The following PCM1 variants were observed in gnomAD, a reference collection of about 807,000 sequenced individuals.
PCM1 encodes the protein pericentriolar material 1.
A neutral mutation model predicts 241.9 loss-of-function variants in PCM1; 157 were observed. The ratio of observed to expected loss-of-function variants is 0.65; its 90% confidence interval spans 0.57 to 0.74. PCM1 has a LOEUF of 0.74. Ranked by LOEUF, PCM1 falls within the 30% of genes least tolerant of loss-of-function variation. The pLI is 0.00. For missense variants in PCM1, 3,478 were observed against 2,360.1 expected, an observed-to-expected ratio of 1.47 and a Z score of -9.81; for synonymous variants, 1,085 against 784.9, an observed-to-expected ratio of 1.38 and a Z score of -6.39.
rs886191919 is a variant in PCM1, at chr8:17,939,842, A to G, written c.764A>G (p.Lys255Arg). The G allele has an allele frequency of 6.7e-7, 1 of 1,500,426 alleles. No homozygotes were observed. Among genetic ancestry groups the G allele is most frequent in the Non-Finnish European group, 9.0e-7 (1 of 1,110,936 alleles). 92.9% of individuals were successfully genotyped at this position (1,500,426 alleles called of 1,614,324 possible). A position where few individuals can be genotyped will look rare whatever the true frequency, so the allele number is the denominator to read the frequency against. ...HLKEQEKSYM[K>R]FLKKILARDP... ...AAAGAACAAGAGAAGTCATATATGA[A>G]ATTTCTTAAAAAAATCCTTGTAAGT... The change falls in exon 6 of 39, where the codon AAA becomes AGA. Residue 255 changes from lysine (K) to arginine (R), a missense_variant. Lys to Arg is a conservative substitution (Grantham distance 26, BLOSUM62 2). Transcript: ENST00000325083.
intron 6 of PCM1, among the ~76,000 whole-genome samples, chr8:17,942,716 C>A (rs1348789107): frequency 6.6e-6 from 1 of 151,906 alleles, no homozygotes; most frequent in Non-Finnish European, 1.5e-5. Flanking sequence ...TTTGAATAGG[C>A]CGGGCACGGT....
Position 17,950,689 on chromosome 8 carries a change from A to C in PCM1, c.1036A>C (p.Ile346Leu), listed in dbSNP as rs767479338. The C allele has an allele frequency of 6.2e-7, 1 of 1,600,992 alleles. No individual in the cohort carries two copies. The highest frequency in any genetic ancestry group is 1.1e-5 in the South Asian group (1 of 89,118). Residue 346 changes from isoleucine (I) to leucine (L), a missense_variant, in exon 8 of 39, where the codon ATT (isoleucine) becomes CTT (leucine). By Grantham distance (5) the Ile-to-Leu change is conservative. Transcript: ENST00000325083. ...ACTAAATGAAGAATTGAATGACTTA[A>C]TTCAGCGTTTTCATAATCAGCTTCG... ...SELNEELNDLIQRFHNQLRDS... is the reference protein window; with the variant it reads ...SELNEELNDLLQRFHNQLRDS...
chr8:17,938,440 C>A (rs1041582403), intron 4 of PCM1, among the ~76,000 whole-genome samples: 2 of 152,138 alleles, frequency 1.3e-5, no homozygotes, highest in Non-Finnish European at 2.9e-5. Flanking sequence ...ACTCCTAACA[C>A]TTCTTGTCTG....
intron 27 of PCM1, among the ~76,000 whole-genome samples, 166 bp downstream of exon 27, chr8:17,990,145 A>G (rs1177478237): frequency 6.6e-6 from 1 of 152,134 alleles, no homozygotes; most frequent in Non-Finnish European, 1.5e-5. Context: ...TCTGACTCTT[A>G]ACCCTGTGAG....
At position 17,947,318 on chromosome 8, in the gene PCM1, C is replaced by G. The variant is rs753308958; in HGVS notation, c.916C>G (p.Leu306Val). Residue 306 changes from leucine (L) to valine (V), a missense_variant, in exon 7 of 39, where the codon CTG becomes GTG. By Grantham distance (32) the Leu-to-Val change is conservative. Coordinates refer to ENST00000325083, the MANE Select transcript of PCM1 (RefSeq NM_006197.4). ...LQGRQAALLA[L>V]QHKAEQAIAV... The stretch of plus-strand genomic sequence containing the variant: ...GGGACGGCAGGCTGCACTTCTAGCT[C>G]TGCAACATAAAGCAGAGCAAGCTAT... 8.7e-6 allele frequency: 14 copies of G among 1,612,248 alleles called. No individual in the cohort carries two copies. Among genetic ancestry groups the G allele is most frequent in the African/African-American group, 5.3e-5 (4 of 74,830 alleles).
chr8:17,957,494 C>A, intron 12 of PCM1, 46 bp from the exon 13 acceptor site: 2 of 1,606,040 alleles, frequency 1.2e-6, no homozygotes, highest in South Asian at 1.1e-5. Flanking sequence ...CATGTGTGCT[C>A]TTTCCTTTAA....
chr8:17,990,253 C>G (rs1372406838), intron 27 of PCM1, among the ~76,000 whole-genome samples: 2 of 151,972 alleles, frequency 1.3e-5, no homozygotes, highest in Middle Eastern at 3.2e-3. Flanking sequence ...AACTTACTTG[C>G]TTGAGTTCAG....
intron 1 of PCM1, 84 bp from the exon 2 acceptor site, chr8:17,924,629 A>C (rs2056174670): frequency 6.6e-6 from 1 of 152,234 alleles, no homozygotes; most frequent in African/African-American, 2.4e-5. Flanking sequence ...AACATACTTT[A>C]GACCAAAACT....
chr8:17,992,448 G>T (rs1371243597), intron 28 of PCM1, among the ~76,000 whole-genome samples: 1 of 152,024 alleles, frequency 6.6e-6, no homozygotes, highest in Non-Finnish European at 1.5e-5. Context: ...ATTCTTGCAG[G>T]AGTAGGATGG....
At chr8:17,961,934 T>A in intron 15 of PCM1, 100 bp from the exon 16 acceptor site, 1 of 903,740 alleles carries the variant, frequency 1.1e-6, no homozygotes, top group Admixed American at 3.1e-5. Context: ...AGATTAAATA[T>A]GGCACTAGAG....
At chr8:17,993,029 A>G (rs578189123) in intron 28 of PCM1, among the ~76,000 whole-genome samples, 1 of 147,124 alleles carries the variant, frequency 6.8e-6, no homozygotes, top group South Asian at 2.1e-4. Flanking sequence ...AGACTTTCTC[A>G]CACTCTGTGG....
Position 17,938,282 on chromosome 8 carries a change from T to G in PCM1, c.343-458T>G, listed in dbSNP as rs984170877. ...TCAAAACTTTGTTTCGTGCACAAAA[T>G]TATTAAAAATATTGTATAAGATTAC... On this transcript the variant is annotated intron_variant, in intron 4 of 38. Transcript: ENST00000325083. Among the ~76,000 whole-genome samples, 3 of 152,278 alleles carry G rather than the reference T, an allele frequency of 2.0e-5. No homozygotes were observed. In the East Asian group the frequency reaches 5.8e-4, roughly 29 times the overall value.
chr8:17,994,327 C>T (rs2085823741), intron 29 of PCM1, among the ~76,000 whole-genome samples: 1 of 152,122 alleles, frequency 6.6e-6, no homozygotes, highest in South Asian at 2.1e-4. Flanking sequence ...ACATAATGAC[C>T]TCCAGTTCCA....
intron 8 of PCM1, among the ~76,000 whole-genome samples, chr8:17,952,121 G>A (rs539190510): frequency 6.6e-6 from 1 of 152,006 alleles, no homozygotes; most frequent in Non-Finnish European, 1.5e-5. Context: ...TGCTTGAGAG[G>A]CTGAGGCAGG....
chr8:17,960,533 C>CTTTTTTTTTTTTTTTT (rs57224845), intron 15 of PCM1, 89 bp downstream of exon 15: 9 of 604,500 alleles, frequency 1.5e-5, no homozygotes, highest in East Asian at 4.0e-5. Context: ...TTTTGTTTTT[C>CTTTTTTTTTTTTTTTT]TTTTTTTTTG....
chr8:17,953,521 AAAG>A (rs1314247108), intron 9 of PCM1, among the ~76,000 whole-genome samples: 2 of 151,960 alleles, frequency 1.3e-5, no homozygotes, highest in African/African-American at 4.9e-5. Flanking sequence ...ATTTTCCCTT[AAAG>A]AAAAGTTAAT....
intron 24 of PCM1, among the ~76,000 whole-genome samples, chr8:17,982,332 C>G (rs1399075659): frequency 6.6e-6 from 1 of 152,060 alleles, no homozygotes; most frequent in East Asian, 1.9e-4. Context: ...AACTGAAAGT[C>G]TTAATAAACT....
chr8:17,965,992 G>A lies in PCM1; in HGVS notation c.2856-7G>A, dbSNP rs779789224. On this transcript the variant is annotated splice_region_variant and splice_polypyrimidine_tract_variant and intron_variant, in intron 18 of 38. Transcript: ENST00000325083. ...ATGATGACTTAATGCTTTCAATCTT[G>A]TGTTAGGTGGAAGAACAATTGCCCT... The A allele has an allele frequency of 4.1e-5, 65 of 1,601,450 alleles. No homozygotes were observed. The highest frequency in any genetic ancestry group is 5.1e-5 in the Non-Finnish European group (60 of 1,172,072).
At chr8:17,972,887 A>G (rs754412096) in intron 23 of PCM1, among the ~76,000 whole-genome samples, 200 bp downstream of exon 23, 13 of 152,106 alleles carry the variant, frequency 8.5e-5, no homozygotes, top group Non-Finnish European at 1.5e-4. Flanking sequence ...AATTTTCTGG[A>G]TTAATGTTGT....
Sources: gnomAD v4.1 joint callset for allele counts (sites outside exome capture counted in the v4.1 genomes callset) on GRCh38, gnomAD v4.1.1 for gene constraint, MANE v1.5 for transcripts, NCBI Gene and HGNC (gene_info 2026-07-23, HGNC 2026-07-21) for gene names.